Variants in EYS observed in about 807,000 individuals in gnomAD.
EYS encodes EGF-like photoreceptor maintenance factor.
In EYS, 250 loss-of-function variants were observed where a neutral mutation model predicts 282.1. The observed-to-expected ratio is 0.89, with a 90% CI of 0.80 to 0.98. The LOEUF (loss-of-function observed/expected upper bound fraction) is 0.98. Ranked by LOEUF, EYS falls within the 50% of genes least tolerant of loss-of-function variation. The pLI, the probability that EYS is intolerant of heterozygous loss-of-function variation, is 0.00. For synonymous variants in EYS, 1,355 were observed against 1,282.9 expected, an observed-to-expected ratio of 1.06 and a Z score of -1.20; for missense variants, 4,016 against 3,709.0, an observed-to-expected ratio of 1.08 and a Z score of -2.15.
chr6:65,133,086 C>A (rs1775926755), intron 12 of EYS, among the ~76,000 whole-genome samples: 1 of 151,992 alleles, frequency 6.6e-6, no homozygotes, highest in African/African-American at 2.4e-5. Context: ...GAAAACATTT[C>A]ATTCTTATTG....
intron 35 of EYS, among the ~76,000 whole-genome samples, chr6:63,966,756 G>A (rs368709708): frequency 6.6e-6 from 1 of 152,110 alleles, no homozygotes; most frequent in Non-Finnish European, 1.5e-5. Context: ...TTGTTACAAG[G>A]ATTAACTGAG....
intron 5 of EYS, among the ~76,000 whole-genome samples, chr6:65,485,574 G>A (rs1765754493): frequency 6.6e-6 from 1 of 152,210 alleles, no homozygotes; most frequent in South Asian, 2.1e-4. Context: ...GGAGGCCAAG[G>A]CAAGTGGATC....
chr6:64,912,050 A>T (rs1294398685), intron 16 of EYS, among the ~76,000 whole-genome samples: 1 of 152,158 alleles, frequency 6.6e-6, no homozygotes, highest in Non-Finnish European at 1.5e-5. Context: ...TAACTAAACA[A>T]TCTAAGTAGA....
At chr6:65,069,946 A>T (rs9453172) in intron 12 of EYS, among the ~76,000 whole-genome samples, 1,784 of 152,050 alleles carry the variant, frequency 0.012, 34 homozygotes, top group African/African-American at 0.039. Flanking sequence ...CACCAAGTCT[A>T]TATAGATGCT....
chr6:65,671,131 C>G (rs1036954796), intron 1 of EYS, among the ~76,000 whole-genome samples: 25 of 152,162 alleles, frequency 1.6e-4, no homozygotes, highest in Middle Eastern at 6.8e-3. Flanking sequence ...TTCTCCTGTT[C>G]CAGCCTCCCA....
chr6:65,121,523 A>C (rs1162305839), intron 12 of EYS, among the ~76,000 whole-genome samples: 2 of 152,164 alleles, frequency 1.3e-5, no homozygotes, highest in Non-Finnish European at 2.9e-5. Context: ...AATTTGTGAA[A>C]AAACATGTCA....
intron 37 of EYS, among the ~76,000 whole-genome samples, chr6:63,791,727 CA>C (rs1481581961): frequency 2.6e-5 from 4 of 152,082 alleles, no homozygotes; most frequent in African/African-American, 9.6e-5. Flanking sequence ...AGTATTTTAC[CA>C]GAGACTCTTA....
chr6:65,659,795 C>T (rs899531955), intron 1 of EYS, among the ~76,000 whole-genome samples: 5 of 151,588 alleles, frequency 3.3e-5, no homozygotes, highest in Non-Finnish European at 7.4e-5. Flanking sequence ...ATTCTATGTA[C>T]AGTATTCCAT....
chr6:65,223,197 A>G (rs1041820123), intron 12 of EYS, among the ~76,000 whole-genome samples: 1 of 152,050 alleles, frequency 6.6e-6, no homozygotes, highest in African/African-American at 2.4e-5. Flanking sequence ...GCAAAATCCC[A>G]TCTCTACTAA....
In EYS at chr6:65,523,664, G is replaced by A. The variant is rs78657696; in HGVS notation, c.-332-27671C>T. On this transcript the variant is annotated intron_variant, in intron 2 of 42. Transcript: ENST00000503581. ...AAATTGTGTTGTATACGCTAAATAT[G>A]CCCAATTTTATTAAAAATAACTTTT... is the stretch of plus-strand genomic sequence containing the variant. 2.6e-3 allele frequency among the ~76,000 whole-genome samples: 396 copies of A among 152,108 alleles called. 4 individuals are homozygous for A. In the East Asian group the frequency reaches 0.054, roughly 21 times the overall value.
chr6:65,399,720 T>C (rs1441940098), intron 7 of EYS, among the ~76,000 whole-genome samples: 5 of 152,086 alleles, frequency 3.3e-5, no homozygotes, highest in African/African-American at 4.8e-5. Context: ...TTTTCAGTTG[T>C]AAATAACATA....
intron 22 of EYS, among the ~76,000 whole-genome samples, chr6:64,777,567 A>G (rs1177314835): frequency 6.6e-6 from 1 of 152,080 alleles, no homozygotes; most frequent in African/African-American, 2.4e-5. Context: ...CTTTATTGCT[A>G]ATATATTGAT....
intron 2 of EYS, among the ~76,000 whole-genome samples, chr6:65,585,056 T>A (rs1347018232): frequency 6.6e-6 from 1 of 151,818 alleles, no homozygotes; most frequent in African/African-American, 2.4e-5. Flanking sequence ...TCCATTGTTA[T>A]TTGCTTTACT....
At chr6:64,527,905 A>G (rs975650837) in intron 26 of EYS, among the ~76,000 whole-genome samples, 21 of 151,838 alleles carry the variant, frequency 1.4e-4, no homozygotes, top group African/African-American at 5.1e-4. Context: ...CTTAAAAGTT[A>G]TCATTTAGAG....
intron 22 of EYS, among the ~76,000 whole-genome samples, chr6:64,653,554 C>G (rs997243426): frequency 2.6e-5 from 4 of 151,932 alleles, no homozygotes; most frequent in African/African-American, 9.7e-5. Flanking sequence ...TTGTGCTCAT[C>G]TTAATTTTTA....
intron 12 of EYS, among the ~76,000 whole-genome samples, chr6:65,280,471 G>A (rs1768185820): frequency 6.6e-6 from 1 of 152,058 alleles, no homozygotes; most frequent in African/African-American, 2.4e-5. Flanking sequence ...ACCTATTTGA[G>A]CACCCTGACG....
chr6:65,284,077 T>C (rs1283663787), intron 12 of EYS, among the ~76,000 whole-genome samples: 5 of 152,138 alleles, frequency 3.3e-5, no homozygotes, highest in African/African-American at 1.2e-4. Flanking sequence ...GAGCGATTGC[T>C]TTCTCACCTG....
chr6:64,140,690 TC>T (rs1774312658), intron 31 of EYS, among the ~76,000 whole-genome samples: 1 of 152,100 alleles, frequency 6.6e-6, no homozygotes, highest in Admixed American at 6.6e-5. Context: ...GGCAGTCCTT[TC>T]TACACAGCTG....
intron 24 of EYS, among the ~76,000 whole-genome samples, chr6:64,614,782 T>A (rs1159310008): frequency 6.6e-6 from 1 of 152,096 alleles, no homozygotes; most frequent in Non-Finnish European, 1.5e-5. Flanking sequence ...ATCATGTAAC[T>A]TATTGAATGC....
Sources: gnomAD v4.1 joint callset for allele counts (sites outside exome capture counted in the v4.1 genomes callset) on GRCh38, gnomAD v4.1.1 for gene constraint, MANE v1.5 for transcripts, NCBI Gene and HGNC (gene_info 2026-07-23, HGNC 2026-07-21) for gene names.